The following AKAP6 variants were observed in gnomAD, a reference collection of about 807,000 sequenced individuals.
AKAP6 encodes A-kinase anchor protein 6.
A neutral mutation model predicts 188.5 loss-of-function variants in AKAP6; 58 were observed. That is an observed-to-expected ratio of 0.31 (90% CI 0.25 to 0.38). AKAP6 has a LOEUF of 0.38. Ranked by LOEUF, AKAP6 falls within the 10% of genes least tolerant of loss-of-function variation. The pLI, the probability that AKAP6 is intolerant of heterozygous loss-of-function variation, is 1.00. For missense variants in AKAP6, 2,710 were observed against 2,740.0 expected, an observed-to-expected ratio of 0.99 and a Z score of 0.24; for synonymous variants, 989 against 998.6, an observed-to-expected ratio of 0.99 and a Z score of 0.18.
intron 13 of AKAP6, 144 bp downstream of exon 13, chr14:32,824,959 C>G (rs2034638237): frequency 1.9e-6 from 1 of 513,840 alleles, no homozygotes; most frequent in Non-Finnish European, 3.2e-6. Flanking sequence ...GAAATGCTCT[C>G]AACAATGAAA....
intron 4 of AKAP6, among the ~76,000 whole-genome samples, chr14:32,559,550 GAGTTGGT>G (rs1566575637): frequency 6.6e-6 from 1 of 152,158 alleles, no homozygotes; most frequent in Non-Finnish European, 1.5e-5. Context: ...TTGGCCCAGA[GAGTTGGT>G]AGTTTAAGAA....
chr14:32,417,906 G>A (rs945538250), intron 1 of AKAP6: 1 of 152,070 alleles, frequency 6.6e-6, no homozygotes, highest in African/African-American at 2.4e-5. Flanking sequence ...TCATTTTCAG[G>A]CATGTGAAGT....
intron 2 of AKAP6, among the ~76,000 whole-genome samples, chr14:32,516,479 A>C (rs1003136333): frequency 2.0e-5 from 3 of 152,242 alleles, no homozygotes; most frequent in African/African-American, 7.2e-5. Flanking sequence ...TCTGTGCTGA[A>C]AAAAGGCACC....
At chr14:32,557,664 T>C (rs910407481) in intron 4 of AKAP6, among the ~76,000 whole-genome samples, 2 of 152,230 alleles carry the variant, frequency 1.3e-5, no homozygotes, top group Admixed American at 1.3e-4. Flanking sequence ...AGTATCCTTA[T>C]CAGGAAGCGT....
intron 12 of AKAP6, among the ~76,000 whole-genome samples, chr14:32,804,530 A>G (rs540270381): frequency 6.6e-6 from 1 of 152,364 alleles, no homozygotes; most frequent in East Asian, 1.9e-4. Context: ...CAAAGATCAC[A>G]TGCTTCTGAG....
intron 7 of AKAP6, among the ~76,000 whole-genome samples, chr14:32,630,520 G>C (rs1417631115): frequency 6.6e-6 from 1 of 151,886 alleles, no homozygotes. Context: ...TAGTTCAGGG[G>C]AAAAAAGGAG....
intron 1 of AKAP6, among the ~76,000 whole-genome samples, chr14:32,391,049 G>A (rs943848470): frequency 2.8e-4 from 42 of 152,000 alleles, no homozygotes; most frequent in African/African-American, 9.9e-4. Context: ...TCTGTAATAC[G>A]GGTACAGGAC....
In AKAP6 at chr14:32,501,546, C is replaced by T. The variant is rs138688691; in HGVS notation, c.325-34008C>T. On this transcript the variant is annotated intron_variant, in intron 2 of 13. Transcript: ENST00000280979. ...CTGATCTAACTAACTGCCCAGGGCA[C>T]CTGGAAAATGTCATTTAGCTGTGTG... is the stretch of plus-strand genomic sequence containing the variant. Among the ~76,000 whole-genome samples the T allele has an allele frequency of 5.1e-3, 772 of 152,198 alleles. 3 individuals carry two copies. The highest frequency in any genetic ancestry group is 7.7e-3 in the Non-Finnish European group (526 of 68,000).
chr14:32,537,191 C>A (rs1389612817), intron 3 of AKAP6, among the ~76,000 whole-genome samples: 7 of 152,152 alleles, frequency 4.6e-5, no homozygotes, highest in African/African-American at 1.7e-4. Context: ...CTCCGCAGTG[C>A]CTAGAAGTCT....
intron 2 of AKAP6, among the ~76,000 whole-genome samples, chr14:32,456,530 T>C (rs1337908040): frequency 6.6e-6 from 1 of 152,250 alleles, no homozygotes; most frequent in African/African-American, 2.4e-5. Flanking sequence ...CAAAAATATT[T>C]AGCTGATGAC....
chr14:32,820,716 A>G (rs998737171), intron 12 of AKAP6, among the ~76,000 whole-genome samples: 4 of 152,142 alleles, frequency 2.6e-5, no homozygotes, highest in Non-Finnish European at 4.4e-5. Context: ...GCCCTGGAGC[A>G]TTCAGGGTCT....
At chr14:32,510,436 G>GTATATATA (rs1555335161) in intron 2 of AKAP6, among the ~76,000 whole-genome samples, 16 of 30,258 alleles carry the variant, frequency 5.3e-4, no homozygotes, top group Admixed American at 8.7e-4. Flanking sequence ...ATATATATAT[G>GTATATATA]TGTATATATA....
At chr14:32,496,984 T>G (rs1203680679) in intron 2 of AKAP6, among the ~76,000 whole-genome samples, 1 of 152,182 alleles carries the variant, frequency 6.6e-6, no homozygotes, top group African/African-American at 2.4e-5. Flanking sequence ...TTGTTTGGTC[T>G]CTTAAAAAGA....
intron 12 of AKAP6, among the ~76,000 whole-genome samples, chr14:32,783,994 A>G (rs1401154056): frequency 6.6e-6 from 1 of 152,170 alleles, no homozygotes; most frequent in African/African-American, 2.4e-5. Flanking sequence ...AGGTGATTCT[A>G]TTTTCAATAT....
intron 4 of AKAP6, among the ~76,000 whole-genome samples, chr14:32,576,022 T>C (rs571450063): frequency 8.5e-5 from 13 of 152,264 alleles, no homozygotes; most frequent in African/African-American, 3.1e-4. Context: ...ATTGCTTGAA[T>C]TAAAGGTTTA....
At chr14:32,609,879 TGACACACACA>T (rs1452496172) in intron 7 of AKAP6, among the ~76,000 whole-genome samples, 4 of 84,694 alleles carry the variant, frequency 4.7e-5, no homozygotes, top group African/African-American at 1.3e-4. Flanking sequence ...TCTCTCTCTC[TGACACACACA>T]CACACACACA....
At chr14:32,542,109 A>G (rs980104884) in intron 3 of AKAP6, among the ~76,000 whole-genome samples, 1 of 152,202 alleles carries the variant, frequency 6.6e-6, no homozygotes, top group Non-Finnish European at 1.5e-5. Flanking sequence ...CAACACCCCT[A>G]TGGCATGGCT....
At chr14:32,427,622 AATCTGGT>A (rs1248234909) in intron 1 of AKAP6, among the ~76,000 whole-genome samples, 2 of 152,180 alleles carry the variant, frequency 1.3e-5, no homozygotes, top group African/African-American at 4.8e-5. Flanking sequence ...TGCAAAGCCC[AATCTGGT>A]ATCCTGGAAT....
At chr14:32,749,467 T>G (rs1484805237) in intron 11 of AKAP6, among the ~76,000 whole-genome samples, 1 of 152,202 alleles carries the variant, frequency 6.6e-6, no homozygotes, top group Non-Finnish European at 1.5e-5. Flanking sequence ...TTCTTGCCTT[T>G]AGCACACGGT....
Sources: gnomAD v4.1 joint callset for allele counts (sites outside exome capture counted in the v4.1 genomes callset) on GRCh38, gnomAD v4.1.1 for gene constraint, MANE v1.5 for transcripts, NCBI Gene and HGNC (gene_info 2026-07-23, HGNC 2026-07-21) for gene names.